The following GAB2 variants were observed in gnomAD, a reference collection of about 807,000 sequenced individuals.
The protein encoded by GAB2 is GRB2 associated binding protein 2, also known as GRB2-associated-binding protein 2.
In GAB2, 26 loss-of-function variants were observed where a neutral mutation model predicts 65.5. That is an observed-to-expected ratio of 0.40 (90% CI 0.29 to 0.55). The LOEUF (loss-of-function observed/expected upper bound fraction) is 0.55, where lower values mean the gene tolerates loss of function less well. GAB2 is among the 20% of genes least tolerant of loss of function. The pLI is 0.53. For missense variants in GAB2, 884 were observed against 875.8 expected, an observed-to-expected ratio of 1.01 and a Z score of -0.12; for synonymous variants, 321 against 329.6, an observed-to-expected ratio of 0.97 and a Z score of 0.28.
chr11:78,241,346 A>G (rs931264766), intron 3 of GAB2, among the ~76,000 whole-genome samples: 1 of 152,236 alleles, frequency 6.6e-6, no homozygotes, highest in Non-Finnish European at 1.5e-5. Flanking sequence ...AGTCTGGAAG[A>G]GGTGATCTTT....
chr11:78,358,482 C>CAAA (rs1856391666), intron 1 of GAB2, among the ~76,000 whole-genome samples: 1 of 116,216 alleles, frequency 8.6e-6, no homozygotes, highest in African/African-American at 4.4e-5. Flanking sequence ...AATAAAGTGA[C>CAAA]CAAAAAAAAA....
intron 2 of GAB2, among the ~76,000 whole-genome samples, chr11:78,277,895 C>T (rs1388163603): frequency 2.6e-5 from 4 of 152,186 alleles, no homozygotes; most frequent in Admixed American, 2.6e-4. Context: ...AAACTTTCAC[C>T]CCTCTTCTAA....
intron 1 of GAB2, among the ~76,000 whole-genome samples, chr11:78,354,454 T>C (rs1449096641): frequency 6.6e-6 from 1 of 152,008 alleles, no homozygotes; most frequent in Non-Finnish European, 1.5e-5. Context: ...TATATATACA[T>C]ACAGAATTGC....
intron 3 of GAB2, chr11:78,231,941 C>G (rs1038751018): frequency 1.3e-5 from 2 of 152,214 alleles, no homozygotes; most frequent in Non-Finnish European, 2.9e-5. Context: ...TATCCTCTTG[C>G]ATTTGACCCA....
chr11:78,354,568 A>C (rs1326791389), intron 1 of GAB2, among the ~76,000 whole-genome samples: 1 of 152,170 alleles, frequency 6.6e-6, no homozygotes, highest in African/African-American at 2.4e-5. Context: ...GCTTTCTCTA[A>C]CACCACAAAG....
At chr11:78,342,991 C>T (rs182801126) in intron 1 of GAB2, among the ~76,000 whole-genome samples, 1 of 152,242 alleles carries the variant, frequency 6.6e-6, no homozygotes, top group East Asian at 1.9e-4. Flanking sequence ...AAATTTTCCA[C>T]AGAAGCTGAG....
At chr11:78,236,948 C>T (rs1864999156) in intron 3 of GAB2, among the ~76,000 whole-genome samples, 1 of 152,144 alleles carries the variant, frequency 6.6e-6, no homozygotes, top group South Asian at 2.1e-4. Flanking sequence ...GACTGCTAAT[C>T]CTTTGTTTTT....
intron 4 of GAB2, 103 bp downstream of exon 4, chr11:78,226,362 C>G (rs989966292): frequency 5.5e-6 from 5 of 909,528 alleles, no homozygotes; most frequent in Non-Finnish European, 7.3e-6. Context: ...CTAGGTGGTT[C>G]GTAAGTTCCC....
At chr11:78,325,935 A>G (rs995921339) in intron 1 of GAB2, among the ~76,000 whole-genome samples, 5 of 152,226 alleles carry the variant, frequency 3.3e-5, no homozygotes, top group Non-Finnish European at 7.3e-5. Flanking sequence ...TTTTTTAACA[A>G]TATGGCTCAA....
chr11:78,392,999 C>G (rs1856853092), intron 1 of GAB2, among the ~76,000 whole-genome samples: 1 of 152,162 alleles, frequency 6.6e-6, no homozygotes, highest in South Asian at 2.1e-4. Context: ...GAGAAGTCCC[C>G]ATAATTAAGA....
In GAB2 at chr11:78,280,911, A is replaced by G. The variant is rs772940628; in HGVS notation, c.76-10T>C. On this transcript the variant is annotated splice_polypyrimidine_tract_variant and intron_variant, in intron 1 of 9. Coordinates refer to ENST00000361507, the MANE Select transcript of GAB2 (RefSeq NM_080491.3). ...AGCGTTTCTTCCAGGCCTAAATCAT[A>G]TCAGGAAGGAGTAAGAAGAGGGGGA... is the stretch of plus-strand genomic sequence containing the variant. 1.2e-6 allele frequency: 2 copies of G among 1,608,026 alleles called. No individual in the cohort carries two copies. The highest frequency in any genetic ancestry group is 1.7e-6 in the Non-Finnish European group (2 of 1,175,432).
At chr11:78,407,584 G>C (rs1857061575) in intron 1 of GAB2, among the ~76,000 whole-genome samples, 1 of 151,646 alleles carries the variant, frequency 6.6e-6, no homozygotes, top group Admixed American at 6.6e-5. Context: ...AGTGAGCCCA[G>C]ATAGTGCCAT....
chr11:78,375,168 C>T (rs1418724939), intron 1 of GAB2, among the ~76,000 whole-genome samples: 3 of 152,182 alleles, frequency 2.0e-5, no homozygotes, highest in Non-Finnish European at 4.4e-5. Context: ...CCTCAGCCTC[C>T]CAAGTAGCTG....
intron 1 of GAB2, among the ~76,000 whole-genome samples, chr11:78,302,673 C>T (rs902362526): frequency 1.3e-5 from 2 of 152,228 alleles, no homozygotes; most frequent in Non-Finnish European, 2.9e-5. Flanking sequence ...AATCCCACTA[C>T]TGGGTATCTA....
At chr11:78,251,177 T>C (rs1865445559) in intron 2 of GAB2, among the ~76,000 whole-genome samples, 1 of 152,172 alleles carries the variant, frequency 6.6e-6, no homozygotes, top group Non-Finnish European at 1.5e-5. Context: ...CTGGCTTTGT[T>C]AAATGAGGCT....
At position 78,221,732 on chromosome 11, in the gene GAB2, G is replaced by T; in HGVS notation, c.1706C>A (p.Thr569Asn). The T allele has an allele frequency of 6.2e-7, 1 of 1,613,844 alleles. No individual in the cohort carries two copies. Among genetic ancestry groups the T allele is most frequent in the East Asian group, 2.2e-5 (1 of 44,866 alleles). The change falls in exon 8 of 10, where the codon ACC becomes AAC. Residue 569 changes from threonine (T) to asparagine (N), a missense_variant. Physicochemically the swap from Thr to Asn is moderately conservative, Grantham distance 65 (BLOSUM62 0). Transcript: ENST00000361507. ...TGAGTCTGTGCTGGTGATGCTCTGG[G>T]TGGAGATGGGGCGGCAGTACTGGGA... is the stretch of plus-strand genomic sequence containing the variant. ...SSSQYCRPIS[T>N]QSITSTDSGD...
chr11:78,348,031 A>G (rs1856217908), intron 1 of GAB2, among the ~76,000 whole-genome samples: 4 of 152,214 alleles, frequency 2.6e-5, no homozygotes, highest in Admixed American at 2.6e-4. Context: ...CATAAGGAAG[A>G]TTAAAATGTA....
chr11:78,240,225 A>G (rs1865090196), intron 3 of GAB2, among the ~76,000 whole-genome samples: 2 of 152,078 alleles, frequency 1.3e-5, no homozygotes, highest in Admixed American at 1.3e-4. Context: ...AGTAGCTAAA[A>G]TAATATGGTT....
chr11:78,330,188 C>A (rs1479086340), intron 1 of GAB2, among the ~76,000 whole-genome samples: 3 of 152,164 alleles, frequency 2.0e-5, no homozygotes, highest in African/African-American at 7.2e-5. Flanking sequence ...CCTAGGAGGT[C>A]ACCTATGGAG....
Sources: gnomAD v4.1 joint callset for allele counts (sites outside exome capture counted in the v4.1 genomes callset) on GRCh38, gnomAD v4.1.1 for gene constraint, MANE v1.5 for transcripts, NCBI Gene and HGNC (gene_info 2026-07-23, HGNC 2026-07-21) for gene names.